ADAMTS10: variants seen among roughly 807,000 people sequenced by gnomAD.
ADAMTS10 encodes A disintegrin and metalloproteinase with thrombospondin motifs 10.
In ADAMTS10, 48 loss-of-function variants were observed where a neutral mutation model predicts 135.9. That is an observed-to-expected ratio of 0.35 (90% CI 0.28 to 0.45). The LOEUF is 0.45. Among genes scored for constraint, ADAMTS10 ranks in the 20% least tolerant of loss-of-function variants. ADAMTS10 has a pLI of 1.00. For missense variants in ADAMTS10, 1,131 were observed against 1,565.2 expected, an observed-to-expected ratio of 0.72 and a Z score of 4.68; for synonymous variants, 621 against 647.5, an observed-to-expected ratio of 0.96 and a Z score of 0.62.
intron 13 of ADAMTS10, 38 bp downstream of exon 13, chr19:8,592,725 G>A (rs1555739374): frequency 6.3e-7 from 1 of 1,581,830 alleles, no homozygotes; most frequent in Admixed American, 1.8e-5. Flanking sequence ...GGTGGCTCAG[G>A]GGGCGTGGCC....
At position 8,597,053 on chromosome 19, in the gene ADAMTS10, C is replaced by T. The variant is rs782561705; in HGVS notation, c.974G>A (p.Ser325Asn). ...CTCTGGAATGGCATTGCCATGGCCG[C>T]TGTGGTTCACGATGGATTTCTGCCA... ...CKWQKSIVNH[S>N]GHGNAIPENG... The change falls in exon 8 of 26, where the codon AGC becomes AAC. Residue 325 changes from serine to asparagine, a missense_variant. Ser to Asn is a conservative substitution (Grantham distance 46, BLOSUM62 1). Around this residue, in one of 3 missense-constraint regions of ADAMTS10, gnomAD observed 80 missense variants for 164.4 expected, o/e 0.49. Coordinates refer to ENST00000597188, the MANE Select transcript of ADAMTS10 (RefSeq NM_030957.4). The T allele has an allele frequency of 1.9e-6, 3 of 1,614,212 alleles. No individual in the cohort carries two copies. The highest frequency in any genetic ancestry group is 2.2e-5 in the South Asian group (2 of 91,088).
At chr19:8,588,822 C>T (rs915065557) in intron 18 of ADAMTS10, among the ~76,000 whole-genome samples, 16 of 151,832 alleles carry the variant, frequency 1.1e-4, no homozygotes, top group African/African-American at 3.4e-4. Flanking sequence ...GACAGAGCCT[C>T]GCTCTGTCGC....
chr19:8,595,894 C>T lies in ADAMTS10; in HGVS notation c.1347G>A (p.Leu449=). 1.2e-6 allele frequency: 2 copies of T among 1,614,208 alleles called. No homozygotes were observed. Among genetic ancestry groups the T allele is most frequent in the East Asian group, 4.5e-5 (2 of 44,886 alleles). The change falls in exon 12 of 26, where the codon CTG becomes CTA. Residue 449 remains leucine (L), a synonymous_variant. Coordinates refer to ENST00000597188, the MANE Select transcript of ADAMTS10 (RefSeq NM_030957.4). ...GGGGCCGGTTGTTCAGGCAGAGCCC[C>T]AGGCCCGAGCTGCCTCGAGAGAAAA... ...DYITSFLDSG[L]GLCLNNRPPR... is the part of the protein sequence containing the mutation.
chr19:8,604,927 C>A, intron 4 of ADAMTS10, 85 bp downstream of exon 4: 1 of 1,406,390 alleles, frequency 7.1e-7, no homozygotes, highest in Non-Finnish European at 9.8e-7. Context: ...ACTATCATTC[C>A]TTCTCTGCCC....
intron 25 of ADAMTS10, among the ~76,000 whole-genome samples, chr19:8,584,358 G>A (rs2042394862): frequency 6.6e-6 from 1 of 151,600 alleles, no homozygotes; most frequent in Non-Finnish European, 1.5e-5. Flanking sequence ...GTAGAAGCCG[G>A]GGATGCTGCT....
intron 12 of ADAMTS10, chr19:8,593,085 T>C: frequency 1.6e-6 from 1 of 612,310 alleles, no homozygotes. Context: ...TATGGAGCAC[T>C]TTATACATGC....
At position 8,589,485 on chromosome 19, in the gene ADAMTS10, G is replaced by A. The variant is rs1555738288; in HGVS notation, c.2001C>T (p.Asp667=). The A allele has an allele frequency of 1.9e-6, 3 of 1,613,402 alleles. No individual in the cohort carries two copies. The highest frequency in any genetic ancestry group is 2.5e-6 in the Non-Finnish European group (3 of 1,179,950). Residue 667 remains aspartate (D), a synonymous_variant, in exon 17 of 26, where the codon GAC becomes GAT. Coordinates refer to ENST00000597188, the MANE Select transcript of ADAMTS10 (RefSeq NM_030957.4). Reference sequence around the variant, plus strand: ...CGCCACTGACGCAAATGTCCACCGTGTCTGGACGGCAGGGTGTCCCGTCCA... The same window carrying A: ...CGCCACTGACGCAAATGTCCACCGTATCTGGACGGCAGGGTGTCCCGTCCA... The part of the protein sequence containing the change: ...AVVDGTPCRP[D]TVDICVSGEC...
At position 8,580,654 on chromosome 19, in the gene ADAMTS10, AG is replaced by A. The variant is rs151216219; in HGVS notation, c.*238del. On this transcript the variant is annotated 3_prime_UTR_variant, in exon 26 of 26. Transcript: ENST00000597188. ...TGTCCCCTCCCCAGACCCACCCTGG[AG>A]GGGGGGTCTCACTATGTGAACTGGA... 10 of 506,474 alleles carry A rather than the reference AG, an allele frequency of 2.0e-5. No individual in the cohort carries two copies. Among genetic ancestry groups the A allele is most frequent in the African/African-American group, 3.9e-5 (2 of 50,980 alleles). The allele number at this position is 506,474 out of a possible 1,614,324, so 31.4% of individuals were successfully genotyped here.
At chr19:8,602,659 T>C (rs1358181575) in intron 5 of ADAMTS10, among the ~76,000 whole-genome samples, 1 of 152,152 alleles carries the variant, frequency 6.6e-6, no homozygotes, top group Non-Finnish European at 1.5e-5. Flanking sequence ...AGGACCTTGC[T>C]CTGTTGCCCA....
chr19:8,593,070 C>T (rs2042562931), intron 12 of ADAMTS10, 200 bp from the exon 13 acceptor site: 4 of 624,444 alleles, frequency 6.4e-6, no homozygotes, highest in Non-Finnish European at 8.7e-6. Flanking sequence ...CCAATAAGCT[C>T]CATTTATGGA....
chr19:8,596,759 G>A lies in ADAMTS10; in HGVS notation c.1041-174C>T, dbSNP rs1019343997. ...TGAATGAATGAATGCATGCATGCATGCATGAGTGGGAGAATAAGTGAATGA... is the reference window on the plus strand; with the variant it reads ...TGAATGAATGAATGCATGCATGCATACATGAGTGGGAGAATAAGTGAATGA... On this transcript the variant is annotated intron_variant, in intron 8 of 25. Transcript: ENST00000597188. The surrounding 1 kb of genome is among the most constrained non-coding windows in gnomAD (Gnocchi z 7.2). Among the ~76,000 whole-genome samples, 1 of 152,164 alleles carries A rather than the reference G, an allele frequency of 6.6e-6. No homozygotes were observed. Among genetic ancestry groups the A allele is most frequent in the Non-Finnish European group, 1.5e-5 (1 of 68,028 alleles).
intron 12 of ADAMTS10, 197 bp downstream of exon 12, chr19:8,595,565 C>A: frequency 3.7e-6 from 3 of 810,772 alleles, no homozygotes; most frequent in Non-Finnish European, 5.9e-6. Context: ...TGTTCCCAAG[C>A]ACTGTCTGAT....
chr19:8,585,094 T>C, intron 24 of ADAMTS10, 38 bp downstream of exon 24: 3 of 1,490,796 alleles, frequency 2.0e-6, no homozygotes, highest in Non-Finnish European at 2.7e-6. Flanking sequence ...CCGCAGCCCC[T>C]GCCCTGGCCC....
chr19:8,601,988 G>A lies in ADAMTS10; in HGVS notation c.593-843C>T, dbSNP rs7257902. On this transcript the variant is annotated intron_variant, in intron 5 of 25. Coordinates refer to ENST00000597188, the MANE Select transcript of ADAMTS10 (RefSeq NM_030957.4). The surrounding 1 kb of genome is among the most constrained non-coding windows in gnomAD (Gnocchi z 4.6). ...CAATCCACTGACAATTCCACTGCCC[G>A]AATGGAATGGTGTGAACCAGCCTGT... 0.06 allele frequency among the ~76,000 whole-genome samples: 9,123 copies of A among 152,284 alleles called. 611 individuals are homozygous for A. The highest frequency in any genetic ancestry group is 0.15 in the African/African-American group (6,318 of 41,544).
chr19:8,603,713 G>C lies in ADAMTS10; in HGVS notation c.592+15C>G. Reference sequence around the variant, plus strand: ...CTGTGTAGCCCTCTGCCCATCCCCAGAAAGACCGATGTACCTCTCACTCCA... The same window carrying C: ...CTGTGTAGCCCTCTGCCCATCCCCACAAAGACCGATGTACCTCTCACTCCA... On this transcript the variant is annotated intron_variant, in intron 5 of 25. Coordinates refer to ENST00000597188, the MANE Select transcript of ADAMTS10 (RefSeq NM_030957.4). 1 of 1,614,094 alleles carries C rather than the reference G, an allele frequency of 6.2e-7. No individual in the cohort carries two copies. The highest frequency in any genetic ancestry group is 8.5e-7 in the Non-Finnish European group (1 of 1,180,002).
Position 8,585,282 on chromosome 19 carries a change from G to A in ADAMTS10, c.2892C>T (p.Leu964=), listed in dbSNP as rs782287860. ...SECTPSCGPG[L]RHRVVLCKSA... The stretch of plus-strand genomic sequence containing the variant: ...TCTTGCAAAGGACCACGCGGTGGCG[G>A]AGGCCCGGCCCGCAGCTGGGGGTGC... Residue 964 remains leucine, a synonymous_variant, in exon 24 of 26, where the codon CTC becomes CTT. Transcript: ENST00000597188. 6.6e-7 allele frequency: 1 copy of A among 1,516,772 alleles called. No homozygotes were observed. The highest frequency in any genetic ancestry group is 8.8e-7 in the Non-Finnish European group (1 of 1,131,920). 94.0% of individuals were successfully genotyped at this position (1,516,772 alleles called of 1,614,324 possible). A position where few individuals can be genotyped will look rare whatever the true frequency, so the allele number is the denominator to read the frequency against.
At chr19:8,604,453 A>G (rs2042698423) in intron 4 of ADAMTS10, among the ~76,000 whole-genome samples, 1 of 147,740 alleles carries the variant, frequency 6.8e-6, no homozygotes, top group Non-Finnish European at 1.5e-5. Context: ...ATATAATTAT[A>G]TATTATATAT....
chr19:8,590,255 G>A (rs1324140176), intron 15 of ADAMTS10, among the ~76,000 whole-genome samples: 4 of 152,050 alleles, frequency 2.6e-5, no homozygotes, highest in African/African-American at 9.7e-5. Flanking sequence ...TCCAGGCTAT[G>A]GAATCTTTCT....
Position 8,589,319 on chromosome 19 carries a change from T to A in ADAMTS10, c.2081A>T (p.Lys694Met), listed in dbSNP as rs1281948785. Residue 694 changes from lysine to methionine, a missense_variant, in exon 18 of 26, where the codon AAG becomes ATG. Physicochemically the swap from Lys to Met is moderately conservative, Grantham distance 95 (BLOSUM62 -1). This residue lies in a region of ADAMTS10 where 745 missense variants were observed against 1,056.3 expected (regional missense o/e 0.71). Transcript: ENST00000597188. ...GCCGTCACCGCCACACACTCGGCAC[T>A]TGTCCTCCCGCAGGTCGGAGCCCAG... ...RVLGSDLRED[K>M]CRVCGGDGSA... 6.2e-7 allele frequency: 1 copy of A among 1,612,596 alleles called. No individual in the cohort carries two copies. Among genetic ancestry groups the A allele is most frequent in the South Asian group, 1.1e-5 (1 of 91,072 alleles).
Sources: gnomAD v4.1 joint callset for allele counts (sites outside exome capture counted in the v4.1 genomes callset) on GRCh38, gnomAD v4.1.1 for gene constraint, gnomAD v4.1.1 regional missense constraint, Gnocchi (gnomAD v3.1) non-coding constraint, MANE v1.5 for transcripts, NCBI Gene and HGNC (gene_info 2026-07-23, HGNC 2026-07-21) for gene names.